COQ8A: variants seen among roughly 807,000 people sequenced by gnomAD.
COQ8A encodes atypical kinase COQ8A, mitochondrial.
In COQ8A, 51 loss-of-function variants were observed where a neutral mutation model predicts 65.0. The ratio of observed to expected loss-of-function variants is 0.78; its 90% CI spans 0.63 to 0.99. The LOEUF (loss-of-function observed/expected upper bound fraction) is 0.99, where lower values mean the gene tolerates loss of function less well. Ranked by LOEUF, COQ8A falls within the 50% of genes least tolerant of loss-of-function variation. COQ8A has a pLI of 0.00. For missense variants in COQ8A, 940 were observed against 875.0 expected, an observed-to-expected ratio of 1.07 and a Z score of -0.94; for synonymous variants, 371 against 353.2, an observed-to-expected ratio of 1.05 and a Z score of -0.57.
intron 1 of COQ8A, among the ~76,000 whole-genome samples, chr1:226,952,987 C>T (rs1657478390): frequency 6.6e-6 from 1 of 151,930 alleles, no homozygotes; most frequent in Non-Finnish European, 1.5e-5. Context: ...TAATAATACA[C>T]TTTCTTATTT....
chr1:226,982,969 G>C lies in COQ8A; in HGVS notation c.1015G>C (p.Ala339Pro). The change falls in exon 8 of 15, where the codon GCA (alanine) becomes CCA (proline). Residue 339 changes from alanine to proline, a missense_variant. By Grantham distance (27) the Ala-to-Pro change is conservative. Transcript: ENST00000366777. ...CTTCGAGGAGCGGCCCTTCGCCGCC[G>C]CATCCATTGGGCAGGTGCACTTGGC... ...EYFEERPFAAASIGQVHLARM... is the reference protein window; with the variant it reads ...EYFEERPFAAPSIGQVHLARM... 1 of 1,603,236 alleles carries C rather than the reference G, an allele frequency of 6.2e-7. No individual in the cohort carries two copies. Among genetic ancestry groups the C allele is most frequent in the Non-Finnish European group, 8.5e-7 (1 of 1,175,422 alleles).
Position 226,977,641 on chromosome 1 carries a change from G to A in COQ8A, c.730+118G>A, listed in dbSNP as rs917346462. ...GCCAGCTGGGCCGCATTTGCATGGG[G>A]TTCCACGTAAGTGGCGTCCCTGGGG... On this transcript the variant is annotated intron_variant, in intron 5 of 14. Transcript: ENST00000366777. The A allele has an allele frequency of 3.5e-6, 4 of 1,157,834 alleles. No homozygotes were observed. In the Admixed American group the frequency reaches 6.4e-5, roughly 19 times the overall value. 71.7% of individuals were successfully genotyped at this position (1,157,834 alleles called of 1,614,324 possible).
chr1:226,953,274 A>C lies in COQ8A; in HGVS notation c.-9-8103A>C, dbSNP rs554863502. On this transcript the variant is annotated intron_variant, in intron 1 of 14. Coordinates refer to ENST00000366777, the MANE Select transcript of COQ8A (RefSeq NM_020247.5). Reference sequence around the variant, plus strand: ...TGAACTCCTGACTTCGTGATCCACCAGCCTTGGCCTCCCAAGGTGCTGGGA... The same window carrying C: ...TGAACTCCTGACTTCGTGATCCACCCGCCTTGGCCTCCCAAGGTGCTGGGA... 3.3e-5 allele frequency among the ~76,000 whole-genome samples: 5 copies of C among 152,160 alleles called. No individual in the cohort carries two copies. In the East Asian group the frequency reaches 9.7e-4, roughly 29 times the overall value.
At chr1:226,975,986 G>T (rs138572740) in intron 4 of COQ8A, among the ~76,000 whole-genome samples, 33 of 152,182 alleles carry the variant, frequency 2.2e-4, no homozygotes, top group African/African-American at 7.7e-4. Context: ...GTTTCCTTGC[G>T]CCTTAAACAG....
chr1:226,971,694 G>GT (rs1368527186), intron 4 of COQ8A, among the ~76,000 whole-genome samples: 4 of 152,060 alleles, frequency 2.6e-5, no homozygotes, highest in South Asian at 2.1e-4. Context: ...TACTTTGATT[G>GT]TTTTTTTGAA....
rs1376994132 is a variant in COQ8A at position 226,949,164 on chromosome 1, G to A, written c.-10+8765G>A. ...TGCCTGAGAAAGTAGGACCTGCAGA[G>A]TGGAGTGCGCTCACATGGCTCGCGC... is the stretch of plus-strand genomic sequence containing the variant. On this transcript the variant is annotated intron_variant, in intron 1 of 14. Transcript: ENST00000366777. The surrounding 1 kb of genome is among the most constrained non-coding windows in gnomAD (Gnocchi z 4.0). Among the ~76,000 whole-genome samples, 1 of 151,938 alleles carries A rather than the reference G, an allele frequency of 6.6e-6. No homozygotes were observed. The highest frequency in any genetic ancestry group is 1.5e-5 in the Non-Finnish European group (1 of 68,014).
intron 4 of COQ8A, among the ~76,000 whole-genome samples, chr1:226,971,685 A>T (rs924593682): frequency 6.6e-6 from 1 of 152,090 alleles, no homozygotes; most frequent in Admixed American, 6.5e-5. Context: ...TTGTTTTCTT[A>T]CTTTGATTGT....
At chr1:226,982,239 C>T (rs1558205383) in intron 6 of COQ8A, 90 bp downstream of exon 6, 1 of 1,505,390 alleles carries the variant, frequency 6.6e-7, no homozygotes, top group Non-Finnish European at 8.9e-7. Flanking sequence ...CCCACCAAAG[C>T]TCAGTGGGCA....
intron 1 of COQ8A, among the ~76,000 whole-genome samples, chr1:226,960,390 C>CGGTGGT (rs1658131746): frequency 3.2e-3 from 2 of 626 alleles, no homozygotes; most frequent in African/African-American, 6.7e-3. Flanking sequence ...TTGGTGGTGT[C>CGGTGGT]AGTGGTGGTA....
chr1:226,964,056 C>T (rs1658413347), intron 2 of COQ8A, among the ~76,000 whole-genome samples: 2 of 152,206 alleles, frequency 1.3e-5, no homozygotes, highest in African/African-American at 4.8e-5. Flanking sequence ...ATGAGTGTAA[C>T]AGCCTGTCTC....
intron 3 of COQ8A, 47 bp from the exon 4 acceptor site, chr1:226,965,624 C>T (rs760018980): frequency 6.2e-7 from 1 of 1,608,456 alleles, no homozygotes; most frequent in South Asian, 1.1e-5. Context: ...AAGGTTGGTC[C>T]TGTCCCCTTG....
In COQ8A at chr1:226,981,473, C is replaced by T. The variant is rs567084072; in HGVS notation, c.731-554C>T. Among the ~76,000 whole-genome samples the T allele has an allele frequency of 1.5e-3, 221 of 152,360 alleles. 1 individual carries two copies. Among genetic ancestry groups the T allele is most frequent in the African/African-American group, 5.1e-3 (211 of 41,594 alleles). On this transcript the variant is annotated intron_variant, in intron 5 of 14. Transcript: ENST00000366777. ...GGCCTCTGTGGGTGGACGGGAGAGA[C>T]GGGCACCCCTGGGCTGTGCTGCCCT...
intron 1 of COQ8A, among the ~76,000 whole-genome samples, chr1:226,956,875 C>T (rs1572031754): frequency 8.2e-6 from 1 of 122,388 alleles, no homozygotes; most frequent in African/African-American, 3.2e-5. Context: ...CTCTCCCTGG[C>T]TCCCACTCTC....
chr1:226,983,736 G>A (rs745821983), intron 9 of COQ8A, 25 bp from the exon 10 acceptor site: 34 of 1,612,826 alleles, frequency 2.1e-5, no homozygotes, highest in South Asian at 1.2e-4. Flanking sequence ...CCCCTTCCTC[G>A]CTGATGCCCT....
chr1:226,964,020 C>G (rs1388168836), intron 2 of COQ8A, among the ~76,000 whole-genome samples: 1 of 152,230 alleles, frequency 6.6e-6, no homozygotes, highest in African/African-American at 2.4e-5. Flanking sequence ...CATCAGCCGT[C>G]TTTGCCTCAG....
intron 1 of COQ8A, among the ~76,000 whole-genome samples, chr1:226,958,433 G>A (rs12061358): frequency 0.25 from 37,471 of 152,014 alleles, 4,679 homozygotes; most frequent in African/African-American, 0.3. Flanking sequence ...CCAGGTCGTC[G>A]CTTCCACTCT....
At chr1:226,958,926 A>G (rs1394795569) in intron 1 of COQ8A, among the ~76,000 whole-genome samples, 2 of 152,212 alleles carry the variant, frequency 1.3e-5, no homozygotes, top group African/African-American at 2.4e-5. Flanking sequence ...GTACTTGCAG[A>G]TGAAGTCACG....
intron 8 of COQ8A, chr1:226,983,264 TG>T: frequency 1.4e-6 from 1 of 716,634 alleles, no homozygotes; most frequent in Non-Finnish European, 2.3e-6. Flanking sequence ...AAGCTTGATT[TG>T]GGGTGGGCAA....
At chr1:226,985,132 G>A (rs962145048) in intron 13 of COQ8A, 122 bp from the exon 14 acceptor site, 202 of 1,284,018 alleles carry the variant, frequency 1.6e-4, no homozygotes, top group Admixed American at 6.8e-5. Context: ...AGCACTGGCC[G>A]GGGGCCCTGT....
Sources: allele counts gnomAD v4.1 joint callset (sites outside exome capture counted in the v4.1 genomes callset), GRCh38; gene constraint gnomAD v4.1.1; non-coding constraint Gnocchi (gnomAD v3.1); transcripts MANE v1.5; gene names NCBI Gene and HGNC (gene_info 2026-07-23, HGNC 2026-07-21).